Variants in RGS22 observed in about 807,000 individuals in gnomAD.
The protein encoded by RGS22 is regulator of G-protein signaling 22.
Under a neutral mutation model 172.9 loss-of-function variants are expected in RGS22, and 148 were observed. The ratio of observed to expected loss-of-function variants is 0.86; its 90% CI spans 0.75 to 0.98. RGS22 has a LOEUF of 0.98. RGS22 is among the 50% of genes least tolerant of loss of function. The pLI is 0.00. For missense variants in RGS22, 1,347 were observed against 1,440.8 expected (o/e 0.93, Z 1.05); for synonymous variants, 458 against 480.2 (o/e 0.95, Z 0.60).
At chr8:100,000,249 A>G (rs1296833035) in intron 18 of RGS22, among the ~76,000 whole-genome samples, 1 of 152,124 alleles carries the variant, frequency 6.6e-6, no homozygotes, top group Admixed American at 6.5e-5. Context: ...TTCTCCTTTG[A>G]GCAATAATGT....
rs779418806 is a variant in RGS22, at chr8:99,999,436, T to A, written c.2791-16A>T. 1.9e-6 allele frequency: 3 copies of A among 1,609,808 alleles called. No individual in the cohort carries two copies. The highest frequency in any genetic ancestry group is 8.5e-7 in the Non-Finnish European group (1 of 1,178,370). On this transcript the variant is annotated splice_polypyrimidine_tract_variant and intron_variant, in intron 18 of 27. Transcript: ENST00000360863. ...AATGCATTACCTAAGAAAATTAAGA[T>A]GGAAACAGAAACTATTGTGCTTTCT...
intron 2 of RGS22, 47 bp downstream of exon 2, chr8:100,105,327 T>G (rs749680472): frequency 6.7e-7 from 1 of 1,487,624 alleles, no homozygotes; most frequent in Non-Finnish European, 9.3e-7. Context: ...TATTTGCTAT[T>G]TTTTTAAAGG....
rs1349490935 is a variant in RGS22 at position 100,106,039 on chromosome 8, C to T, written c.-118G>A. On this transcript the variant is annotated 5_prime_UTR_variant, in exon 1 of 28. Transcript: ENST00000360863. Reference sequence around the variant, plus strand: ...ACGGCGCGCGGGCTCCGGAGCTACGCTGGCTAGCGTGGCCGGCGCCGCGCC... The same window carrying T: ...ACGGCGCGCGGGCTCCGGAGCTACGTTGGCTAGCGTGGCCGGCGCCGCGCC... 1 of 1,178,756 alleles carries T rather than the reference C, an allele frequency of 8.5e-7. No homozygotes were observed. Among genetic ancestry groups the T allele is most frequent in the Non-Finnish European group, 1.0e-6 (1 of 954,620 alleles). 73.0% of individuals were successfully genotyped at this position (1,178,756 alleles called of 1,614,324 possible). A position where few individuals can be genotyped will look rare whatever the true frequency, so the allele number is the denominator to read the frequency against.
intron 9 of RGS22, among the ~76,000 whole-genome samples, chr8:100,061,411 C>G (rs1002182707): frequency 2.0e-5 from 3 of 152,044 alleles, no homozygotes; most frequent in Non-Finnish European, 2.9e-5. Flanking sequence ...AACTATGCAT[C>G]AAACGAAGAT....
At position 100,051,865 on chromosome 8, in the gene RGS22, GTTTATATA is replaced by G. The variant is rs1251469282; in HGVS notation, c.1689+929_1689+936del. 2.9e-4 allele frequency among the ~76,000 whole-genome samples: 10 copies of G among 34,744 alleles called. 3 individuals carry two copies. Among genetic ancestry groups the G allele is most frequent in the Non-Finnish European group, 5.1e-4 (10 of 19,566 alleles). The allele number at this position is 34,744 out of a possible 152,430, so 22.8% of individuals were successfully genotyped here. A position where few individuals can be genotyped will look rare whatever the true frequency, so the allele number is the denominator to read the frequency against. On this transcript the variant is annotated intron_variant, in intron 10 of 27. Coordinates refer to ENST00000360863, the MANE Select transcript of RGS22 (RefSeq NM_015668.5). ...TATATTTATATATTTATATATAAAT[GTTTATATA>G]TTTATATATTTATATATAAATGTTT...
intron 4 of RGS22, among the ~76,000 whole-genome samples, chr8:100,075,704 G>A (rs1320935133): frequency 6.6e-6 from 1 of 152,162 alleles, no homozygotes; most frequent in Non-Finnish European, 1.5e-5. Flanking sequence ...ATAAGTTTTT[G>A]TGTGAACATA....
At chr8:100,079,093 G>T (rs572771477) in intron 4 of RGS22, among the ~76,000 whole-genome samples, 30 of 152,242 alleles carry the variant, frequency 2.0e-4, no homozygotes, top group African/African-American at 7.0e-4. Context: ...CTCCTAAATA[G>T]CTTTTGTTTA....
chr8:100,071,568 C>T (rs1205578375), intron 5 of RGS22, 31 bp from the exon 6 acceptor site: 3 of 1,568,608 alleles, frequency 1.9e-6, no homozygotes, highest in South Asian at 2.4e-5. Flanking sequence ...AAATTTAAAA[C>T]AAGTTTCAAA....
intron 4 of RGS22, among the ~76,000 whole-genome samples, chr8:100,073,618 T>C (rs576801043): frequency 1.6e-4 from 24 of 152,164 alleles, no homozygotes; most frequent in Non-Finnish European, 2.6e-4. Context: ...CTGCATAGGC[T>C]ACACACTGAC....
intron 3 of RGS22, among the ~76,000 whole-genome samples, chr8:100,089,388 C>T (rs560425357): frequency 2.6e-5 from 4 of 152,156 alleles, no homozygotes; most frequent in East Asian, 3.9e-4. Context: ...AAATGCTGGC[C>T]GTGGTTCTGC....
chr8:100,037,464 A>G (rs1819627877), intron 14 of RGS22, among the ~76,000 whole-genome samples: 1 of 152,186 alleles, frequency 6.6e-6, no homozygotes, highest in African/African-American at 2.4e-5. Flanking sequence ...AACTATCCAA[A>G]AGAGAACCTA....
chr8:100,053,563 C>T (rs1821928775), intron 9 of RGS22, among the ~76,000 whole-genome samples: 1 of 152,128 alleles, frequency 6.6e-6, no homozygotes, highest in African/African-American at 2.4e-5. Context: ...ATAAAATGTA[C>T]TTGGGATAAT....
intron 23 of RGS22, among the ~76,000 whole-genome samples, chr8:99,976,401 G>A (rs1315218027): frequency 1.3e-5 from 2 of 151,962 alleles, no homozygotes; most frequent in Non-Finnish European, 2.9e-5. Context: ...TTGCTCTGTT[G>A]CCCAGGCTGG....
intron 18 of RGS22, among the ~76,000 whole-genome samples, chr8:100,001,712 T>C (rs528994488): frequency 1.3e-5 from 2 of 152,294 alleles, no homozygotes; most frequent in East Asian, 3.9e-4. Flanking sequence ...TTTTATAATA[T>C]TTGCTCAAGG....
At chr8:100,051,193 G>A (rs1277260412) in intron 10 of RGS22, among the ~76,000 whole-genome samples, 4 of 151,344 alleles carry the variant, frequency 2.6e-5, no homozygotes, top group Non-Finnish European at 5.9e-5. Context: ...ACAAAGCCCT[G>A]GAGATTTTTC....
intron 1 of RGS22, 175 bp downstream of exon 1, chr8:100,105,722 G>A (rs537398326): frequency 1.0e-5 from 6 of 574,866 alleles, no homozygotes; most frequent in African/African-American, 2.0e-5. Context: ...AGCATAAACC[G>A]GCGAGGACGT....
intron 14 of RGS22, among the ~76,000 whole-genome samples, chr8:100,028,192 T>C (rs1818386016): frequency 6.6e-6 from 1 of 152,156 alleles, no homozygotes; most frequent in Non-Finnish European, 1.5e-5. Context: ...AGCTCATGCT[T>C]ATCACTCTGG....
At chr8:99,994,959 C>T (rs1427912613) in intron 20 of RGS22, among the ~76,000 whole-genome samples, 1 of 152,084 alleles carries the variant, frequency 6.6e-6, no homozygotes, top group Non-Finnish European at 1.5e-5. Context: ...AGAAATAACA[C>T]CACACATCTA....
chr8:99,974,595 C>G (rs145185159), intron 23 of RGS22, among the ~76,000 whole-genome samples: 6 of 149,324 alleles, frequency 4.0e-5, no homozygotes, highest in African/African-American at 1.5e-4. Flanking sequence ...GTCAGGAGTT[C>G]GAGACCAGCC....
Sources: allele counts gnomAD v4.1 joint callset (sites outside exome capture counted in the v4.1 genomes callset), GRCh38; gene constraint gnomAD v4.1.1; transcripts MANE v1.5; gene names NCBI Gene and HGNC (gene_info 2026-07-23, HGNC 2026-07-21).